DNAH14: variants seen among roughly 807,000 people sequenced by gnomAD.
The protein encoded by DNAH14 is dynein axonemal heavy chain 14.
In DNAH14, 478 loss-of-function variants were observed where a neutral mutation model predicts 520.9. That is an observed-to-expected ratio of 0.92 (90% CI 0.85 to 0.99). The LOEUF (loss-of-function observed/expected upper bound fraction) is 0.99. Among genes scored for constraint, DNAH14 ranks in the 50% least tolerant of loss-of-function variants. The pLI, the probability that DNAH14 is intolerant of heterozygous loss-of-function variation, is 0.00. For synonymous variants in DNAH14, 1,581 were observed against 1,757.2 expected (o/e 0.90, Z 2.51); for missense variants, 4,831 against 5,234.5 (o/e 0.92, Z 2.38).
intron 35 of DNAH14, among the ~76,000 whole-genome samples, chr1:225,166,634 T>C (rs1157867833): frequency 6.6e-6 from 1 of 152,184 alleles, no homozygotes; most frequent in Non-Finnish European, 1.5e-5. Flanking sequence ...TACTATTTGC[T>C]CACTTGAGAT....
At chr1:225,007,012 G>A (rs923389787) in intron 9 of DNAH14, among the ~76,000 whole-genome samples, 1 of 152,058 alleles carries the variant, frequency 6.6e-6, no homozygotes, top group Non-Finnish European at 1.5e-5. Flanking sequence ...AAGAACATAC[G>A]TTGAAATATT....
At chr1:225,329,955 A>G (rs72750815) in intron 64 of DNAH14, among the ~76,000 whole-genome samples, 6,335 of 152,238 alleles carry the variant, frequency 0.042, 203 homozygotes, top group Middle Eastern at 0.068. Context: ...ATCTCTATAG[A>G]AAAAAATCTA....
intron 76 of DNAH14, among the ~76,000 whole-genome samples, chr1:225,365,711 T>A (rs558939368): frequency 6.6e-6 from 1 of 151,198 alleles, no homozygotes; most frequent in Admixed American, 6.6e-5. Flanking sequence ...ATTCCACTTG[T>A]CTCCCAGAGA....
chr1:225,145,839 C>T (rs1449211971), intron 30 of DNAH14, among the ~76,000 whole-genome samples: 1 of 152,106 alleles, frequency 6.6e-6, no homozygotes, highest in African/African-American at 2.4e-5. Context: ...AGTCTTGTTT[C>T]GTTTGCACAT....
chr1:225,328,584 CT>C (rs1291275993), intron 64 of DNAH14, among the ~76,000 whole-genome samples: 4 of 152,002 alleles, frequency 2.6e-5, no homozygotes, highest in African/African-American at 9.7e-5. Context: ...AAAAATAGGT[CT>C]TTTATTTGCC....
chr1:225,313,914 G>A lies in DNAH14; in HGVS notation c.9241-4669G>A, dbSNP rs190508760. On this transcript the variant is annotated intron_variant, in intron 60 of 85. Coordinates refer to ENST00000682510, the MANE Select transcript of DNAH14 (RefSeq NM_001367479.1). ...TGGTGCTGAGAAGAATGTATATTCT[G>A]TTGATTTGGGGTGGAGAGTTCTGTA... is the stretch of plus-strand genomic sequence containing the variant. 2.2e-3 allele frequency among the ~76,000 whole-genome samples: 332 copies of A among 152,292 alleles called. 3 individuals are homozygous for A. Among genetic ancestry groups the A allele is most frequent in the African/African-American group, 7.3e-3 (305 of 41,568 alleles).
At chr1:225,366,498 A>G (rs1255020384) in intron 76 of DNAH14, among the ~76,000 whole-genome samples, 1 of 152,178 alleles carries the variant, frequency 6.6e-6, no homozygotes, top group Non-Finnish European at 1.5e-5. Context: ...TATGAGAATG[A>G]GTTCTTTAAA....
Position 225,335,750 on chromosome 1 carries a change from C to T in DNAH14, c.10081-1516C>T, listed in dbSNP as rs1337354102. 7.0e-5 allele frequency among the ~76,000 whole-genome samples: 6 copies of T among 86,088 alleles called. 2 individuals carry two copies. Among genetic ancestry groups the T allele is most frequent in the Non-Finnish European group, 1.4e-4 (6 of 44,432 alleles). 56.5% of individuals were successfully genotyped at this position (86,088 alleles called of 152,430 possible). A position where few individuals can be genotyped will look rare whatever the true frequency, so the allele number is the denominator to read the frequency against. On this transcript the variant is annotated intron_variant, in intron 66 of 85. Coordinates refer to ENST00000682510, the MANE Select transcript of DNAH14 (RefSeq NM_001367479.1). ...ACATATGTGCATATATGTATATACG[C>T]ATATATACATACATGTGCATATGTG...
intron 10 of DNAH14, among the ~76,000 whole-genome samples, chr1:225,010,052 T>A (rs7523949): frequency 0.055 from 8,377 of 152,246 alleles, 470 homozygotes; most frequent in East Asian, 0.24. Flanking sequence ...GAGAGTTAAT[T>A]TGACTTCCTC....
chr1:225,068,113 A>ATG (rs2071112481), intron 17 of DNAH14, among the ~76,000 whole-genome samples: 2 of 151,964 alleles, frequency 1.3e-5, no homozygotes, highest in African/African-American at 4.8e-5. Flanking sequence ...TCATCTTGAG[A>ATG]AAATTTTTGT....
intron 38 of DNAH14, among the ~76,000 whole-genome samples, chr1:225,199,965 A>C (rs2086612577): frequency 6.6e-6 from 1 of 151,570 alleles, no homozygotes; most frequent in South Asian, 2.1e-4. Flanking sequence ...GTTGCTGTCT[A>C]TCTCATTTCT....
At position 225,335,236 on chromosome 1, in the gene DNAH14, T is replaced by TGTGTACATTGTGTGTATATGCATATACAC. The variant is rs1558425149; in HGVS notation, c.10080+1752_10080+1753insTATACACGTGTACATTGTGTGTATATGCA. ...GTGTGTATATATGCACATATACACATGTGTACATTGTGTGTATATGCACAT... is the reference window on the plus strand; with the variant it reads ...GTGTGTATATATGCACATATACACATGTGTACATTGTGTGTATATGCATATACACGTGTACATTGTGTGTATATGCACAT... On this transcript the variant is annotated intron_variant, in intron 66 of 85. Transcript: ENST00000682510. 9.7e-4 allele frequency among the ~76,000 whole-genome samples: 110 copies of TGTGTACATTGTGTGTATATGCATATACAC among 113,104 alleles called. 2 individuals carry two copies. Among genetic ancestry groups the TGTGTACATTGTGTGTATATGCATATACAC allele is most frequent in the African/African-American group, 3.0e-3 (106 of 35,484 alleles). The allele number at this position is 113,104 out of a possible 152,430, so 74.2% of individuals were successfully genotyped here.
intron 75 of DNAH14, among the ~76,000 whole-genome samples, 184 bp from the exon 76 acceptor site, chr1:225,364,608 A>C (rs1227217054): frequency 6.8e-6 from 1 of 146,474 alleles, no homozygotes; most frequent in Non-Finnish European, 1.5e-5. Flanking sequence ...GCTACTCTTA[A>C]AATGTAACTG....
chr1:225,251,100 A>T (rs1190579794), intron 43 of DNAH14, among the ~76,000 whole-genome samples: 5 of 152,126 alleles, frequency 3.3e-5, no homozygotes, highest in Admixed American at 6.5e-5. Flanking sequence ...TTATATGTTT[A>T]AAAAAAGGAA....
intron 37 of DNAH14, among the ~76,000 whole-genome samples, 159 bp downstream of exon 37, chr1:225,185,584 A>T (rs2084598475): frequency 6.6e-6 from 1 of 152,030 alleles, no homozygotes; most frequent in Non-Finnish European, 1.5e-5. Context: ...TTTTTAACTT[A>T]AATCTCAAAC....
At chr1:225,040,593 T>C (rs1431557290) in intron 12 of DNAH14, among the ~76,000 whole-genome samples, 2 of 152,204 alleles carry the variant, frequency 1.3e-5, no homozygotes, top group East Asian at 3.9e-4. Context: ...ACAGTTCACT[T>C]ACCATTCCAC....
chr1:224,988,226 T>C (rs2062786529), intron 8 of DNAH14, among the ~76,000 whole-genome samples: 1 of 152,208 alleles, frequency 6.6e-6, no homozygotes, highest in African/African-American at 2.4e-5. Flanking sequence ...GCAAAAGATA[T>C]GATCTTGTTC....
At chr1:225,042,689 G>A in intron 12 of DNAH14, 146 bp from the exon 13 acceptor site, 1 of 822,324 alleles carries the variant, frequency 1.2e-6, no homozygotes, top group Non-Finnish European at 1.9e-6. Context: ...ATTTTAACAT[G>A]CAAGTGTCAG....
At chr1:224,959,143 G>A (rs540631112) in intron 3 of DNAH14, among the ~76,000 whole-genome samples, 50 of 152,130 alleles carry the variant, frequency 3.3e-4, no homozygotes, top group Non-Finnish European at 5.6e-4. Flanking sequence ...GAAATTCTTG[G>A]AATAGAGCTT....
Sources: gnomAD v4.1 joint callset for allele counts (sites outside exome capture counted in the v4.1 genomes callset) on GRCh38, gnomAD v4.1.1 for gene constraint, MANE v1.5 for transcripts, NCBI Gene and HGNC (gene_info 2026-07-23, HGNC 2026-07-21) for gene names.